The following KIT variants were observed in gnomAD, a reference collection of about 807,000 sequenced individuals.
The protein encoded by KIT is mast/stem cell growth factor receptor Kit.
A neutral mutation model predicts 105.7 loss-of-function variants in KIT; 16 were observed. That is an observed-to-expected ratio of 0.15 (90% CI 0.10 to 0.23). KIT has a LOEUF of 0.23. Ranked by LOEUF, KIT falls within the 10% of genes least tolerant of loss-of-function variation. The pLI is 1.00. For missense variants in KIT, 858 were observed against 1,213.8 expected (o/e 0.71, Z 4.36); for synonymous variants, 438 against 441.1 (o/e 0.99, Z 0.09).
At chr4:54,721,724 C>T (rs1721892209) in intron 7 of KIT, among the ~76,000 whole-genome samples, 1 of 152,176 alleles carries the variant, frequency 6.6e-6, no homozygotes, top group Non-Finnish European at 1.5e-5. Context: ...TGTTACCTTC[C>T]TTTGGGGAAA....
At chr4:54,714,268 T>G (rs1293774633) in intron 7 of KIT, among the ~76,000 whole-genome samples, 1 of 152,146 alleles carries the variant, frequency 6.6e-6, no homozygotes, top group Non-Finnish European at 1.5e-5. Context: ...CTTGGAAATA[T>G]TAGAAAAAAA....
intron 11 of KIT, 125 bp from the exon 12 acceptor site, chr4:54,727,698 C>A: frequency 7.8e-7 from 1 of 1,279,748 alleles, no homozygotes; most frequent in Non-Finnish European, 1.1e-6. Context: ...TAGAGAACAT[C>A]GTAGGAAAAT....
intron 1 of KIT, among the ~76,000 whole-genome samples, chr4:54,695,151 A>AT (rs1254227322): frequency 1.3e-5 from 2 of 152,028 alleles, no homozygotes; most frequent in African/African-American, 4.8e-5. Context: ...ATAGTGTGAG[A>AT]TTTTGTTTCT....
intron 1 of KIT, among the ~76,000 whole-genome samples, chr4:54,692,503 A>G (rs1719780851): frequency 6.6e-6 from 1 of 152,220 alleles, no homozygotes; most frequent in Non-Finnish European, 1.5e-5. Flanking sequence ...AATTATCTAT[A>G]TCCATCAGAT....
At chr4:54,709,071 C>G (rs890889106) in intron 6 of KIT, among the ~76,000 whole-genome samples, 1 of 151,440 alleles carries the variant, frequency 6.6e-6, no homozygotes, top group Non-Finnish European at 1.5e-5. Flanking sequence ...GGAGAGCAGG[C>G]TCCTGCAGCA....
At chr4:54,659,213 C>T (rs1362512360) in intron 1 of KIT, among the ~76,000 whole-genome samples, 1 of 152,178 alleles carries the variant, frequency 6.6e-6, no homozygotes, top group Non-Finnish European at 1.5e-5. Context: ...GTTCTTAAAG[C>T]TATAACAGAA....
intron 17 of KIT, 95 bp from the exon 18 acceptor site, chr4:54,736,403 A>G: frequency 1.0e-6 from 1 of 982,230 alleles, no homozygotes; most frequent in Non-Finnish European, 1.6e-6. Flanking sequence ...ATCACTCCAC[A>G]TTTCAGCAAC....
intron 7 of KIT, among the ~76,000 whole-genome samples, chr4:54,718,016 A>G (rs2109743673): frequency 6.6e-6 from 1 of 152,208 alleles, no homozygotes; most frequent in Non-Finnish European, 1.5e-5. Context: ...CGTGATTGGG[A>G]TATCTTTTTG....
intron 1 of KIT, among the ~76,000 whole-genome samples, chr4:54,677,754 A>C (rs1202586253): frequency 6.6e-6 from 1 of 152,234 alleles, no homozygotes; most frequent in Non-Finnish European, 1.5e-5. Flanking sequence ...AAGGCATGGA[A>C]GTTGCCCTTC....
intron 1 of KIT, among the ~76,000 whole-genome samples, chr4:54,665,999 G>A (rs1717659276): frequency 6.6e-6 from 1 of 152,120 alleles, no homozygotes; most frequent in South Asian, 2.1e-4. Context: ...TCTGCATTAG[G>A]CCATGTTTAA....
intron 9 of KIT, 25 bp downstream of exon 9, chr4:54,726,075 A>G (rs1374519932): frequency 6.3e-7 from 1 of 1,579,902 alleles, no homozygotes; most frequent in African/African-American, 1.3e-5. Flanking sequence ...AATCCAATTT[A>G]AGGGGATGTT....
chr4:54,688,523 CTTT>C (rs1210343748), intron 1 of KIT, among the ~76,000 whole-genome samples: 1 of 152,182 alleles, frequency 6.6e-6, no homozygotes, highest in Non-Finnish European at 1.5e-5. Context: ...GACTTCCTTA[CTTT>C]TAACCGCAGC....
At chr4:54,689,615 G>T (rs905003253) in intron 1 of KIT, among the ~76,000 whole-genome samples, 1 of 152,354 alleles carries the variant, frequency 6.6e-6, no homozygotes, top group African/African-American at 2.4e-5. Flanking sequence ...ATAGAGGCCA[G>T]TGTGATCAGA....
chr4:54,666,882 G>A (rs1247146199), intron 1 of KIT, among the ~76,000 whole-genome samples: 2 of 152,050 alleles, frequency 1.3e-5, no homozygotes, highest in Admixed American at 6.6e-5. Context: ...TCACAATTTC[G>A]GCTATATTGA....
At chr4:54,721,147 C>T (rs1224907274) in intron 7 of KIT, among the ~76,000 whole-genome samples, 1 of 152,136 alleles carries the variant, frequency 6.6e-6, no homozygotes, top group African/African-American at 2.4e-5. Flanking sequence ...TTTCTGCCCT[C>T]GAGAACATCG....
chr4:54,711,615 G>A (rs934873615), intron 7 of KIT, among the ~76,000 whole-genome samples: 1 of 152,140 alleles, frequency 6.6e-6, no homozygotes, highest in Admixed American at 6.5e-5. Flanking sequence ...ATTTCAATGT[G>A]AATCAGAAAG....
At chr4:54,732,946 C>A in intron 16 of KIT, 124 bp from the exon 17 acceptor site, 1 of 799,426 alleles carries the variant, frequency 1.3e-6, no homozygotes. Flanking sequence ...GTACTGAATA[C>A]TTTAAAACAA....
intron 1 of KIT, among the ~76,000 whole-genome samples, chr4:54,668,901 T>G (rs916436229): frequency 5.3e-5 from 8 of 152,232 alleles, no homozygotes; most frequent in African/African-American, 1.9e-4. Context: ...ACTTTCACAA[T>G]GCAGACTTCC....
chr4:54,725,729 T>G (rs1432756758), intron 8 of KIT, 128 bp from the exon 9 acceptor site: 4 of 926,614 alleles, frequency 4.3e-6, no homozygotes, highest in Non-Finnish European at 5.1e-6. Context: ...CTTAGACACT[T>G]GTAAAAGGAC....
Sources: gnomAD v4.1 joint callset for allele counts (sites outside exome capture counted in the v4.1 genomes callset) on GRCh38, gnomAD v4.1.1 for gene constraint, MANE v1.5 for transcripts, NCBI Gene and HGNC (gene_info 2026-07-23, HGNC 2026-07-21) for gene names.